Variants in MAST4 observed in about 807,000 individuals in gnomAD.
MAST4 encodes the protein microtubule-associated serine/threonine-protein kinase 4.
A neutral mutation model predicts 162.7 loss-of-function variants in MAST4; 89 were observed. The observed-to-expected ratio is 0.55, with a 90% CI of 0.46 to 0.65. The LOEUF is 0.65. Among genes scored for constraint, MAST4 ranks in the 30% least tolerant of loss-of-function variants. MAST4 has a pLI of 0.00. For missense variants in MAST4, 3,153 were observed against 3,374.0 expected (o/e 0.93, Z 1.62); for synonymous variants, 1,479 against 1,361.1 (o/e 1.09, Z -1.91).
chr5:67,116,787 G>C (rs1766974117), intron 12 of MAST4, among the ~76,000 whole-genome samples: 1 of 152,056 alleles, frequency 6.6e-6, no homozygotes. Context: ...TTGCACTACA[G>C]TCTGAGCGAC....
chr5:66,890,590 A>T (rs1762305432), intron 3 of MAST4, among the ~76,000 whole-genome samples: 1 of 152,206 alleles, frequency 6.6e-6, no homozygotes, highest in African/African-American at 2.4e-5. Flanking sequence ...CAGAGTCTCT[A>T]AAAAGTGTGA....
At chr5:66,792,487 T>C (rs1360700599) in intron 3 of MAST4, 5 of 160,654 alleles carry the variant, frequency 3.1e-5, no homozygotes, top group Admixed American at 2.6e-4. Flanking sequence ...GCCTTGCACA[T>C]AGAAAGCATT....
intron 3 of MAST4, among the ~76,000 whole-genome samples, chr5:66,800,341 A>C (rs759353611): frequency 6.6e-6 from 1 of 152,222 alleles, no homozygotes; most frequent in Non-Finnish European, 1.5e-5. Context: ...GTGCAGATAC[A>C]TCATGGAATA....
At chr5:67,162,997 G>A in intron 28 of MAST4, 150 bp from the exon 29 acceptor site, 3 of 1,094,674 alleles carry the variant, frequency 2.7e-6, no homozygotes, top group Admixed American at 4.9e-5. Context: ...GCCTGGAGAG[G>A]TTTATCTGAA....
intron 4 of MAST4, among the ~76,000 whole-genome samples, chr5:66,972,539 T>C (rs1228491706): frequency 6.6e-6 from 1 of 152,218 alleles, no homozygotes; most frequent in African/African-American, 2.4e-5. Context: ...AGTGTGCACA[T>C]GTGTAGATTT....
intron 3 of MAST4, among the ~76,000 whole-genome samples, chr5:66,837,024 A>ATGTG (rs56366963): frequency 6.7e-6 from 1 of 150,210 alleles, no homozygotes; most frequent in Non-Finnish European, 1.5e-5. Flanking sequence ...ATGCAGGATC[A>ATGTG]TGTGTGTGTG....
At chr5:67,046,934 C>T (rs1017313558) in intron 4 of MAST4, among the ~76,000 whole-genome samples, 1 of 152,048 alleles carries the variant, frequency 6.6e-6, no homozygotes, top group African/African-American at 2.4e-5. Context: ...TAATTACATC[C>T]CCCTGATCAC....
intron 17 of MAST4, 103 bp from the exon 18 acceptor site, chr5:67,134,420 T>A: frequency 1.1e-6 from 1 of 951,518 alleles, no homozygotes; most frequent in South Asian, 1.9e-5. Context: ...TCCATGTGGT[T>A]GAGCAGGTGC....
intron 1 of MAST4, among the ~76,000 whole-genome samples, chr5:66,629,291 T>C (rs1467053596): frequency 6.6e-6 from 1 of 152,218 alleles, no homozygotes; most frequent in Non-Finnish European, 1.5e-5. Flanking sequence ...ATTCTGGTTT[T>C]GACACTGGTG....
Position 67,142,536 on chromosome 5 carries a change from A to G in MAST4, c.2730+3A>G. ...CATGTTCACACAGGTTTTCAAAAGT[A>G]AGTGAAATGTGGCATAAACATACAG... On this transcript the variant is annotated splice_donor_region_variant and intron_variant, in intron 21 of 28. Coordinates refer to ENST00000403625, the MANE Select transcript of MAST4 (RefSeq NM_001164664.2). 4 of 1,540,646 alleles carry G rather than the reference A, an allele frequency of 2.6e-6. No homozygotes were observed. The highest frequency in any genetic ancestry group is 3.5e-6 in the Non-Finnish European group (4 of 1,130,494).
chr5:67,057,225 TTCTGTTGC>T, intron 5 of MAST4, among the ~76,000 whole-genome samples: 1 of 152,170 alleles, frequency 6.6e-6, no homozygotes, highest in Non-Finnish European at 1.5e-5. Flanking sequence ...GCCTCACCCT[TTCTGTTGC>T]TATGTTCTCT....
At position 67,152,700 on chromosome 5, in the gene MAST4, C is replaced by G. The variant is rs979322298; in HGVS notation, c.3359C>G (p.Ser1120Cys). The G allele has an allele frequency of 1.9e-6, 3 of 1,614,022 alleles. No homozygotes were observed. The highest frequency in any genetic ancestry group is 2.5e-6 in the Non-Finnish European group (3 of 1,179,906). The change falls in exon 25 of 29, where the codon TCT becomes TGT. Residue 1120 changes from serine (S) to cysteine (C), a missense_variant. Ser to Cys is a moderately radical substitution (Grantham distance 112, BLOSUM62 -1). Coordinates refer to ENST00000403625, the MANE Select transcript of MAST4 (RefSeq NM_001164664.2). ...CCCCATTCCCTGTCCTCGGACCCTT[C>G]TTCTTCACGAGATTCCTCTCCCAGC... ...MSPHSLSSDP[S>C]SSRDSSPSRD...
At chr5:66,664,446 A>AAAAG (rs1554040348) in intron 1 of MAST4, among the ~76,000 whole-genome samples, 1 of 150,108 alleles carries the variant, frequency 6.7e-6, no homozygotes, top group Non-Finnish European at 1.5e-5. Context: ...AAAAAAAAAA[A>AAAAG]AAAAAAGAAA....
At position 67,049,078 on chromosome 5, in the gene MAST4, T is replaced by TATATACGTATATATATATATATATAC. The variant is rs1381641749; in HGVS notation, c.675-5325_675-5324insTATACGTATATATATATATATATACA. On this transcript the variant is annotated intron_variant, in intron 4 of 28. Transcript: ENST00000403625. The stretch of plus-strand genomic sequence containing the variant: ...ATATATACGTATATATATATATATA[T>TATATACGTATATATATATATATATAC]ACACTACCATACCAAGAATGAATGG... Among the ~76,000 whole-genome samples the TATATACGTATATATATATATATATAC allele has an allele frequency of 1.7e-4, 24 of 138,770 alleles. 1 individual carries two copies. Among genetic ancestry groups the TATATACGTATATATATATATATATAC allele is most frequent in the African/African-American group, 6.8e-4 (24 of 35,494 alleles). 91.0% of individuals were successfully genotyped at this position (138,770 alleles called of 152,430 possible).
intron 5 of MAST4, among the ~76,000 whole-genome samples, chr5:67,057,632 G>GAAAA (rs1759015071): frequency 8.5e-6 from 1 of 118,294 alleles, no homozygotes; most frequent in South Asian, 3.0e-4. Context: ...AAGAAAAGAA[G>GAAAA]GCATAGAAAA....
intron 3 of MAST4, among the ~76,000 whole-genome samples, chr5:66,821,151 G>T (rs1756974582): frequency 6.6e-6 from 1 of 152,162 alleles, no homozygotes; most frequent in African/African-American, 2.4e-5. Context: ...TTCAGACTTT[G>T]GTGTATTATC....
intron 5 of MAST4, among the ~76,000 whole-genome samples, chr5:67,072,625 G>T (rs1331361879): frequency 6.6e-6 from 1 of 152,108 alleles, no homozygotes; most frequent in African/African-American, 2.4e-5. Context: ...AAATCCAAGA[G>T]AATTCAGTGA....
chr5:66,659,792 C>T (rs1021840365), intron 1 of MAST4, among the ~76,000 whole-genome samples: 5 of 152,178 alleles, frequency 3.3e-5, no homozygotes. Flanking sequence ...CTGTGTAGCG[C>T]ATGTGCTAGC....
chr5:67,034,061 TAA>T (rs555063901), intron 4 of MAST4, among the ~76,000 whole-genome samples: 473 of 152,300 alleles, frequency 3.1e-3, no homozygotes, highest in Admixed American at 6.4e-3. Context: ...GCCGGTGACT[TAA>T]GTACAAAATG....
Sources: gnomAD v4.1 joint callset for allele counts (sites outside exome capture counted in the v4.1 genomes callset) on GRCh38, gnomAD v4.1.1 for gene constraint, MANE v1.5 for transcripts, NCBI Gene and HGNC (gene_info 2026-07-23, HGNC 2026-07-21) for gene names.